The following TUB variants were observed in gnomAD, a reference collection of about 807,000 sequenced individuals.
The protein encoded by TUB is tubby protein homolog.
In TUB, 33 loss-of-function variants were observed where a neutral mutation model predicts 59.7. The observed-to-expected ratio is 0.55, with a 90% CI of 0.42 to 0.74. The LOEUF (loss-of-function observed/expected upper bound fraction) is 0.74, where lower values mean the gene tolerates loss of function less well. Ranked by LOEUF, TUB falls within the 30% of genes least tolerant of loss-of-function variation. The pLI is 0.00. For missense variants in TUB, 659 were observed against 672.0 expected, an observed-to-expected ratio of 0.98 and a Z score of 0.21; for synonymous variants, 293 against 256.4, an observed-to-expected ratio of 1.14 and a Z score of -1.36.
intron 2 of TUB, chr11:8,068,578 A>G (rs1446047248): frequency 6.6e-6 from 1 of 152,530 alleles, no homozygotes; most frequent in African/African-American, 2.4e-5. Flanking sequence ...GTCCACCCCA[A>G]TGCTTTCCTA....
intron 1 of TUB, among the ~76,000 whole-genome samples, chr11:8,032,268 C>T (rs1439082963): frequency 1.3e-5 from 2 of 152,216 alleles, no homozygotes; most frequent in African/African-American, 4.8e-5. Flanking sequence ...GCCGCCCCCA[C>T]CCCCAACTAC....
At chr11:8,075,110 G>T (rs1398076384) in intron 2 of TUB, among the ~76,000 whole-genome samples, 1 of 152,052 alleles carries the variant, frequency 6.6e-6, no homozygotes, top group South Asian at 2.1e-4. Flanking sequence ...TATGAACACT[G>T]AATTATTTAC....
At chr11:8,025,255 G>T (rs575280189) in intron 1 of TUB, among the ~76,000 whole-genome samples, 2 of 152,306 alleles carry the variant, frequency 1.3e-5, no homozygotes, top group East Asian at 3.9e-4. Flanking sequence ...GCATGCTGGG[G>T]GTGGTGTGTG....
chr11:8,072,164 G>A (rs553329599), intron 2 of TUB, among the ~76,000 whole-genome samples: 2 of 152,190 alleles, frequency 1.3e-5, no homozygotes. Context: ...GGACGCAGAG[G>A]GGGAAGGAGG....
intron 2 of TUB, among the ~76,000 whole-genome samples, chr11:8,067,180 C>T (rs1943260454): frequency 6.6e-6 from 1 of 152,182 alleles, no homozygotes; most frequent in Admixed American, 6.5e-5. Flanking sequence ...TCTGGCTCCC[C>T]ACCTCCTCCA....
chr11:8,061,724 G>C (rs116436024), intron 2 of TUB, among the ~76,000 whole-genome samples: 5,112 of 152,070 alleles, frequency 0.034, 285 homozygotes, highest in African/African-American at 0.12. Context: ...GCCCCTACCC[G>C]CTAAGAGATC....
chr11:8,080,493 G>A (rs1334376749), upstream of TUB, among the ~76,000 whole-genome samples: 1 of 152,194 alleles, frequency 6.6e-6, no homozygotes, highest in African/African-American at 2.4e-5. Flanking sequence ...CCTTAGGAAG[G>A]GCTTTGGAGG....
At chr11:8,076,808 G>A (rs1242404025), upstream of TUB, 2 of 152,112 alleles carry the variant, frequency 1.3e-5, no homozygotes, top group Non-Finnish European at 2.9e-5. Flanking sequence ...TTATGCTTTT[G>A]TGTGTTTGTG....
At chr11:8,050,389 T>A (rs944907178) in intron 2 of TUB, among the ~76,000 whole-genome samples, 2 of 152,226 alleles carry the variant, frequency 1.3e-5, no homozygotes, top group Non-Finnish European at 2.9e-5. Flanking sequence ...TTCTAGTGGA[T>A]GCTGCCAAAG....
In TUB at chr11:8,098,850, G is replaced by A. The variant is rs1424030779; in HGVS notation, c.1091G>A (p.Arg364His). 11 of 1,614,022 alleles carry A rather than the reference G, an allele frequency of 6.8e-6. No homozygotes were observed. The highest frequency in any genetic ancestry group is 1.1e-5 in the South Asian group (1 of 91,072). The change falls in exon 9 of 12, where the codon CGT becomes CAT. Residue 364 changes from arginine to histidine, a missense_variant. Arg to His is a conservative substitution (Grantham distance 29). This residue lies in a region of TUB where 226 missense variants were observed against 210.8 expected (regional missense o/e 1.07). Coordinates refer to ENST00000299506, the MANE Select transcript of TUB (RefSeq NM_177972.3). Reference protein sequence around the residue: ...SSSTLESGTLRQELAAVCYET... With the variant: ...SSSTLESGTLHQELAAVCYET... Reference sequence around the variant, plus strand: ...TCCACTTTGGAAAGTGGAACCTTACGTCAGGAGCTGGCAGCTGTGTGCTAC... The same window carrying A: ...TCCACTTTGGAAAGTGGAACCTTACATCAGGAGCTGGCAGCTGTGTGCTAC...
chr11:8,077,275 TA>T (rs1943465651), upstream of TUB: 1 of 152,246 alleles, frequency 6.6e-6, no homozygotes, highest in Non-Finnish European at 1.5e-5. Flanking sequence ...GAACAGAGTC[TA>T]TAGGATATTT....
At chr11:8,097,625 G>A (rs1048757165) in intron 7 of TUB, 89 bp from the exon 8 acceptor site, 28 of 1,336,690 alleles carry the variant, frequency 2.1e-5, no homozygotes, top group Middle Eastern at 1.9e-4. Context: ...GGGAGCTGAC[G>A]CAACGGAGAG....
chr11:8,096,918 C>T (rs982444256), intron 6 of TUB, 112 bp downstream of exon 6: 20 of 1,258,850 alleles, frequency 1.6e-5, no homozygotes, highest in Admixed American at 1.2e-4. Flanking sequence ...TCTCTGCTGG[C>T]CTCTTATGTC....
At chr11:8,087,662 T>A (rs979862455) in intron 1 of TUB, among the ~76,000 whole-genome samples, 10 of 152,366 alleles carry the variant, frequency 6.6e-5, no homozygotes, top group Admixed American at 1.3e-4. Flanking sequence ...ACTGTGCGTG[T>A]GGCTGACCAC....
chr11:8,098,715 G>T (rs772858510), intron 8 of TUB, 43 bp from the exon 9 acceptor site: 7 of 1,440,626 alleles, frequency 4.9e-6, no homozygotes, highest in East Asian at 2.3e-5. Flanking sequence ...CTGCTCTGGG[G>T]CAGAGGGTGC....
intron 9 of TUB, among the ~76,000 whole-genome samples, chr11:8,100,293 G>A (rs1194608421): frequency 6.6e-6 from 1 of 152,200 alleles, no homozygotes; most frequent in Non-Finnish European, 1.5e-5. Flanking sequence ...GCCGTGAGCA[G>A]AAGCAAGGAT....
upstream of TUB, chr11:8,035,463 C>G (rs1043399237): frequency 6.6e-6 from 1 of 152,340 alleles, no homozygotes; most frequent in Admixed American, 6.5e-5. Context: ...ACCTCCTGCT[C>G]CCTTCAGCTC....
Position 8,090,144 on chromosome 11 carries a change from C to T in TUB, c.166C>T (p.Pro56Ser), listed in dbSNP as rs769436518. 1.2e-6 allele frequency: 2 copies of T among 1,613,588 alleles called. No homozygotes were observed. Among genetic ancestry groups the T allele is most frequent in the Non-Finnish European group, 1.7e-6 (2 of 1,179,870 alleles). ...GGTGCAGGCCAATGCAGATGGGCGG[C>T]CCCGGAGCCGGCGGGCCCGGCAGTC... Reference protein sequence around the residue: ...LMVQANADGRPRSRRARQSEE... With the variant: ...LMVQANADGRSRSRRARQSEE... The change falls in exon 3 of 12, where the codon CCC (proline) becomes TCC (serine). Residue 56 changes from proline (P) to serine (S), a missense_variant. Around this residue, in one of 3 missense-constraint regions of TUB, gnomAD observed 321 missense variants for 304.3 expected, o/e 1.05. Coordinates refer to ENST00000299506, the MANE Select transcript of TUB (RefSeq NM_177972.3).
At chr11:8,044,315 G>A (rs1435793746) in intron 2 of TUB, among the ~76,000 whole-genome samples, 2 of 151,972 alleles carry the variant, frequency 1.3e-5, no homozygotes, top group Non-Finnish European at 2.9e-5. Context: ...TCTTTGCTTT[G>A]CAGTGTCTAA....
Sources: allele counts gnomAD v4.1 joint callset (sites outside exome capture counted in the v4.1 genomes callset), GRCh38; gene constraint gnomAD v4.1.1; regional missense constraint gnomAD v4.1.1; transcripts MANE v1.5; gene names NCBI Gene and HGNC (gene_info 2026-07-23, HGNC 2026-07-21).